LRP1B: variants seen among roughly 807,000 people sequenced by gnomAD.
The protein encoded by LRP1B is LDL receptor related protein 1B, also known as low-density lipoprotein receptor-related protein 1B.
Under a neutral mutation model 556.6 loss-of-function variants are expected in LRP1B, and 217 were observed. That is an observed-to-expected ratio of 0.39 (90% confidence interval 0.35 to 0.44). The LOEUF (loss-of-function observed/expected upper bound fraction) is 0.44, where lower values mean the gene tolerates loss of function less well. Ranked by LOEUF, LRP1B falls within the 20% of genes least tolerant of loss-of-function variation. The pLI is 1.00. For synonymous variants in LRP1B, 2,047 were observed against 1,865.8 expected (o/e 1.10, Z -2.50); for missense variants, 5,053 against 5,620.8 (o/e 0.90, Z 3.23).
At chr2:140,713,745 T>C (rs771535861) in intron 37 of LRP1B, among the ~76,000 whole-genome samples, 6 of 152,114 alleles carry the variant, frequency 3.9e-5, no homozygotes, top group Non-Finnish European at 8.8e-5. Context: ...ACACTCTTGC[T>C]GATGGCTTTT....
intron 1 of LRP1B, among the ~76,000 whole-genome samples, chr2:142,048,952 A>G (rs1704351033): frequency 6.6e-6 from 1 of 152,058 alleles, no homozygotes; most frequent in Non-Finnish European, 1.5e-5. Context: ...CTTCTACTAA[A>G]ATGTAGAAAT....
chr2:141,629,534 A>T (rs1473313100), intron 2 of LRP1B, among the ~76,000 whole-genome samples: 2 of 152,162 alleles, frequency 1.3e-5, no homozygotes, highest in African/African-American at 4.8e-5. Flanking sequence ...ATACTTTATA[A>T]ATACATGTTG....
intron 1 of LRP1B, among the ~76,000 whole-genome samples, chr2:141,818,684 C>T (rs1460451485): frequency 6.6e-6 from 1 of 151,192 alleles, no homozygotes; most frequent in Non-Finnish European, 1.5e-5. Context: ...CTACAGGCGC[C>T]TGCCACCACA....
At chr2:142,103,918 A>C (rs1706653584) in intron 1 of LRP1B, among the ~76,000 whole-genome samples, 1 of 152,024 alleles carries the variant, frequency 6.6e-6, no homozygotes, top group Admixed American at 6.6e-5. Flanking sequence ...GCTGTGTAAA[A>C]CCTTCCTCAC....
chr2:140,666,888 A>G (rs926886540), intron 41 of LRP1B, among the ~76,000 whole-genome samples: 1 of 152,226 alleles, frequency 6.6e-6, no homozygotes, highest in Non-Finnish European at 1.5e-5. Context: ...GAAGTCTCAA[A>G]TAAAGCTAGC....
chr2:141,030,869 C>T (rs1197414938), intron 11 of LRP1B, among the ~76,000 whole-genome samples: 1 of 151,996 alleles, frequency 6.6e-6, no homozygotes, highest in Middle Eastern at 3.4e-3. Context: ...TAAGGAAGAT[C>T]TGAGGTAGTC....
chr2:141,751,257 T>C lies in LRP1B; in HGVS notation c.205+59022A>G, dbSNP rs148165956. Among the ~76,000 whole-genome samples, 1,231 of 152,224 alleles carry C rather than the reference T, an allele frequency of 8.1e-3. 7 individuals carry two copies. Among genetic ancestry groups the C allele is most frequent in the Non-Finnish European group, 0.013 (885 of 67,972 alleles). On this transcript the variant is annotated intron_variant, in intron 2 of 90. Transcript: ENST00000389484. ...TGGTGAATGTATTACACAGTTACTGTTTGAATTTGTAGAATTTAAAAATTT... is the reference window on the plus strand; with the variant it reads ...TGGTGAATGTATTACACAGTTACTGCTTGAATTTGTAGAATTTAAAAATTT...
intron 2 of LRP1B, among the ~76,000 whole-genome samples, chr2:141,794,001 C>A (rs79309963): frequency 0.095 from 14,435 of 151,730 alleles, 956 homozygotes; most frequent in African/African-American, 0.18. Flanking sequence ...CAAAATAACA[C>A]AATAAATTTA....
rs538162747 is a variant in LRP1B, at chr2:141,744,315, A to G, written c.205+65964T>C. 2.6e-5 allele frequency among the ~76,000 whole-genome samples: 4 copies of G among 152,076 alleles called. No homozygotes were observed. In the East Asian group the frequency reaches 7.7e-4, roughly 29 times the overall value. On this transcript the variant is annotated intron_variant, in intron 2 of 90. Transcript: ENST00000389484. Reference sequence around the variant, plus strand: ...TTTCCAAAATTCCTATTATTCCTCTAGTTATATTCCACTGTGATCAGAGAA... The same window carrying G: ...TTTCCAAAATTCCTATTATTCCTCTGGTTATATTCCACTGTGATCAGAGAA...
In LRP1B at chr2:142,021,280, T is replaced by A. The variant is rs182207110; in HGVS notation, c.82+109368A>T. ...GCATACAAATTATGTTGAATAGATT[T>A]TTGAGATTTTAAAAAATCTTCCTCT... On this transcript the variant is annotated intron_variant, in intron 1 of 90. Coordinates refer to ENST00000389484, the MANE Select transcript of LRP1B (RefSeq NM_018557.3). Among the ~76,000 whole-genome samples the A allele has an allele frequency of 1.6e-3, 243 of 152,184 alleles. 1 individual carries two copies. Among genetic ancestry groups the A allele is most frequent in the Middle Eastern group, 0.014 (4 of 294 alleles).
chr2:141,098,847 G>C (rs1234053563), intron 7 of LRP1B, among the ~76,000 whole-genome samples: 1 of 152,088 alleles, frequency 6.6e-6, no homozygotes, highest in South Asian at 2.1e-4. Flanking sequence ...AGTAGATATG[G>C]AGTTTCTCCA....
At chr2:140,411,638 C>T (rs13427847) in intron 66 of LRP1B, among the ~76,000 whole-genome samples, 2 of 152,030 alleles carry the variant, frequency 1.3e-5, no homozygotes, top group Admixed American at 6.6e-5. Context: ...ATTTCTGTTA[C>T]TTATATGGAG....
chr2:141,608,327 C>G (rs944032863), intron 2 of LRP1B, among the ~76,000 whole-genome samples: 1 of 152,186 alleles, frequency 6.6e-6, no homozygotes, highest in Non-Finnish European at 1.5e-5. Flanking sequence ...AAAACTAGAG[C>G]ATATATGTCT....
intron 35 of LRP1B, among the ~76,000 whole-genome samples, chr2:140,717,022 T>C (rs1687237204): frequency 6.6e-6 from 1 of 152,056 alleles, no homozygotes; most frequent in South Asian, 2.1e-4. Flanking sequence ...TTCAGTCAAA[T>C]GATTTTTGAA....
chr2:141,759,036 G>GA (rs979894111), intron 2 of LRP1B, among the ~76,000 whole-genome samples: 4 of 151,858 alleles, frequency 2.6e-5, no homozygotes, highest in African/African-American at 9.7e-5. Context: ...AAGGCTTTGG[G>GA]AAAAAAATGC....
intron 2 of LRP1B, among the ~76,000 whole-genome samples, chr2:141,744,051 T>C (rs1693823361): frequency 6.6e-6 from 1 of 152,042 alleles, no homozygotes; most frequent in Non-Finnish European, 1.5e-5. Flanking sequence ...TTTAGTTTGC[T>C]CTGGCTTTTC....
At chr2:141,581,833 ACTATTCTTAG>A (rs1437650702) in intron 2 of LRP1B, among the ~76,000 whole-genome samples, 3 of 152,178 alleles carry the variant, frequency 2.0e-5, no homozygotes, top group Non-Finnish European at 4.4e-5. Context: ...TGGCTTTATA[ACTATTCTTAG>A]CTCTATAAAG....
At chr2:141,782,514 C>CTTTTTTTTTTTT (rs5834867) in intron 2 of LRP1B, among the ~76,000 whole-genome samples, 11 of 97,864 alleles carry the variant, frequency 1.1e-4, no homozygotes, top group African/African-American at 1.3e-4. Context: ...TTCTATTTTC[C>CTTTTTTTTTTTT]TTTTTTTTTT....
intron 2 of LRP1B, among the ~76,000 whole-genome samples, chr2:141,694,946 C>T (rs1253015226): frequency 6.6e-6 from 1 of 151,784 alleles, no homozygotes; most frequent in Non-Finnish European, 1.5e-5. Flanking sequence ...TTTTAATTCC[C>T]TATGTCTCTT....
Sources: gnomAD v4.1 joint callset for allele counts (sites outside exome capture counted in the v4.1 genomes callset) on GRCh38, gnomAD v4.1.1 for gene constraint, MANE v1.5 for transcripts, NCBI Gene and HGNC (gene_info 2026-07-23, HGNC 2026-07-21) for gene names.